Variants in FAM149B1 observed in about 807,000 individuals in gnomAD.
FAM149B1 encodes family with sequence similarity 149 member B1, also known as primary cilium assembly protein FAM149B1.
Under a neutral mutation model 75.3 loss-of-function variants are expected in FAM149B1, and 56 were observed. That is an observed-to-expected ratio of 0.74 (90% CI 0.60 to 0.93). The LOEUF is 0.93. FAM149B1 is among the 40% of genes least tolerant of loss of function. The pLI is 0.00. For synonymous variants in FAM149B1, 259 were observed against 256.1 expected (o/e 1.01, Z -0.11); for missense variants, 639 against 708.4 (o/e 0.90, Z 1.11).
chr10:73,231,925 T>TTAAAA (rs768190966), intron 9 of FAM149B1, among the ~76,000 whole-genome samples: 1 of 142,020 alleles, frequency 7.0e-6, no homozygotes, highest in African/African-American at 2.6e-5. Flanking sequence ...TAGGGTGTGT[T>TTAAAA]AAAAAAAAAA....
chr10:73,177,746 T>TGTACACATATATTTATTTGTACACATATA, intron 2 of FAM149B1, 100 bp from the exon 3 acceptor site: 1 of 1,038,912 alleles, frequency 9.6e-7, no homozygotes, highest in Non-Finnish European at 1.4e-6. Context: ...TGTACACATG[T>TGTACACATATATTTATTTGTACACATATA]TAATCACCTA....
intron 7 of FAM149B1, among the ~76,000 whole-genome samples, chr10:73,215,941 T>A (rs2043288797): frequency 6.6e-6 from 1 of 152,214 alleles, no homozygotes. Context: ...AAGTCCAATG[T>A]ATGTCCAATA....
chr10:73,216,143 A>G (rs994600940), intron 7 of FAM149B1, among the ~76,000 whole-genome samples: 1 of 152,220 alleles, frequency 6.6e-6, no homozygotes, highest in East Asian at 1.9e-4. Context: ...CTTTGTCATT[A>G]TATAATGACC....
In FAM149B1 at chr10:73,243,964, C is replaced by A; in HGVS notation, c.*2945C>A. On this transcript the variant is annotated 3_prime_UTR_variant, in exon 14 of 14. Coordinates refer to ENST00000242505, the MANE Select transcript of FAM149B1 (RefSeq NM_173348.2). ...GAACTCACATGAGACTCAGGGCCAC[C>A]AGGAAATGCTTAAAATACATACTCT... The A allele has an allele frequency of 3.8e-6, 6 of 1,561,442 alleles. No homozygotes were observed. The highest frequency in any genetic ancestry group is 5.3e-6 in the Non-Finnish European group (6 of 1,139,720).
At chr10:73,187,565 A>G (rs2042560484) in intron 3 of FAM149B1, among the ~76,000 whole-genome samples, 1 of 151,494 alleles carries the variant, frequency 6.6e-6, no homozygotes, top group African/African-American at 2.4e-5. Context: ...CCCCGTCTCT[A>G]CTAAAATTAC....
intron 1 of FAM149B1, among the ~76,000 whole-genome samples, chr10:73,170,074 T>G (rs2133288796): frequency 6.7e-6 from 1 of 149,002 alleles, no homozygotes; most frequent in East Asian, 2.0e-4. Context: ...TGCACATACA[T>G]GATAATTGCA....
intron 7 of FAM149B1, among the ~76,000 whole-genome samples, chr10:73,226,866 T>C (rs959670621): frequency 6.6e-6 from 1 of 151,136 alleles, no homozygotes; most frequent in African/African-American, 2.5e-5. Context: ...AACCTATCTC[T>C]ATTATTAGAG....
In FAM149B1 at chr10:73,193,496, A is replaced by T; in HGVS notation, c.445A>T (p.Ile149Phe). 6.5e-7 allele frequency: 1 copy of T among 1,549,526 alleles called. No individual in the cohort carries two copies. Among genetic ancestry groups the T allele is most frequent in the Non-Finnish European group, 8.7e-7 (1 of 1,146,568 alleles). ...TTGAAGGATTCTAGGTAGGCAGATA[A>T]TCACTCCAAGTGAAGGTTATAGATT... ...PHLRILGRQI[I>F]TPSEGYRLYP... is the part of the protein sequence containing the mutation. The change falls in exon 5 of 14, where the codon ATC becomes TTC. Residue 149 changes from isoleucine to phenylalanine, a missense_variant. Transcript: ENST00000242505.
In FAM149B1 at chr10:73,235,204, C is replaced by T. The variant is rs1449567605; in HGVS notation, c.1488C>T (p.Gly496=). Reference sequence around the variant, plus strand: ...TGTCTCCTCTGCAGAAACCCCATGGCGACTCTAGTCGAGCTCAAAGTGCGG... The same window carrying T: ...TGTCTCCTCTGCAGAAACCCCATGGTGACTCTAGTCGAGCTCAAAGTGCGG... The part of the protein sequence containing the change: ...VGPQRQMKPH[G]DSSRAQSAVV... The change falls in exon 12 of 14, where the codon GGC becomes GGT. Residue 496 remains glycine (G), a synonymous_variant. Transcript: ENST00000242505. 4 of 1,551,490 alleles carry T rather than the reference C, an allele frequency of 2.6e-6. No individual in the cohort carries two copies. Among genetic ancestry groups the T allele is most frequent in the East Asian group, 2.4e-5 (1 of 40,940 alleles).
intron 1 of FAM149B1, among the ~76,000 whole-genome samples, chr10:73,171,300 G>C (rs1480245452): frequency 6.6e-6 from 1 of 152,120 alleles, no homozygotes; most frequent in African/African-American, 2.4e-5. Flanking sequence ...TTCTGTAGCT[G>C]GAGTCAGGAT....
chr10:73,171,630 CTT>C lies in FAM149B1; in HGVS notation c.48-3042_48-3041del, dbSNP rs11351703. Reference sequence around the variant, plus strand: ...ATCTATCTTCCTTATCCTTTTCTTTCTTTTTTTTTTTTTTTTGAGACAGAGTC... The same window carrying C: ...ATCTATCTTCCTTATCCTTTTCTTTCTTTTTTTTTTTTTTGAGACAGAGTC... On this transcript the variant is annotated intron_variant, in intron 1 of 13. Transcript: ENST00000242505. Among the ~76,000 whole-genome samples the C allele has an allele frequency of 9.0e-3, 1,236 of 137,386 alleles. 11 individuals carry two copies. Among genetic ancestry groups the C allele is most frequent in the South Asian group, 0.026 (111 of 4,286 alleles). 90.1% of individuals were successfully genotyped at this position (137,386 alleles called of 152,430 possible).
chr10:73,198,570 C>T (rs1398945855), intron 5 of FAM149B1, among the ~76,000 whole-genome samples: 3 of 152,020 alleles, frequency 2.0e-5, no homozygotes, highest in African/African-American at 4.8e-5. Flanking sequence ...TTTGAGAGGC[C>T]GAGGCTGGTG....
chr10:73,216,910 C>A (rs1197368018), intron 7 of FAM149B1, among the ~76,000 whole-genome samples: 4 of 152,170 alleles, frequency 2.6e-5, no homozygotes, highest in Non-Finnish European at 5.9e-5. Flanking sequence ...GTGAACATAA[C>A]CATCACCCCC....
intron 2 of FAM149B1, among the ~76,000 whole-genome samples, chr10:73,175,765 A>C (rs1843938157): frequency 6.6e-6 from 1 of 152,122 alleles, no homozygotes; most frequent in Admixed American, 6.5e-5. Context: ...ACATAACATA[A>C]ATAAAAAAGA....
In FAM149B1 at chr10:73,174,714, C is replaced by T; in HGVS notation, c.75C>T (p.Asn25=). 1 of 1,551,112 alleles carries T rather than the reference C, an allele frequency of 6.4e-7. No homozygotes were observed. The highest frequency in any genetic ancestry group is 8.7e-7 in the Non-Finnish European group (1 of 1,146,684). ...AAGGAATAACAAAACATGCTCTTAA[C>T]CATCATCCCCCTCCAGAGAAGCTGG... ...ELKGITKHAL[N]HHPPPEKLEE... The change falls in exon 2 of 14, where the codon AAC becomes AAT. Residue 25 remains asparagine (N), a synonymous_variant. Coordinates refer to ENST00000242505, the MANE Select transcript of FAM149B1 (RefSeq NM_173348.2).
chr10:73,188,196 T>C (rs1007496496), intron 3 of FAM149B1, among the ~76,000 whole-genome samples: 6 of 152,212 alleles, frequency 3.9e-5, no homozygotes, highest in African/African-American at 1.4e-4. Context: ...TCCATTGATT[T>C]TTGACAAAGG....
At chr10:73,201,061 AGTCATGAAAACT>A (rs752605445) in intron 5 of FAM149B1, 4 of 296,026 alleles carry the variant, frequency 1.4e-5, no homozygotes, top group Non-Finnish European at 2.7e-5. Context: ...TCTACCTAGC[AGTCATGAAAACT>A]GTATTCGCAG....
At chr10:73,168,502 G>A (rs1843552434) in intron 1 of FAM149B1, 116 bp downstream of exon 1, 2 of 1,257,238 alleles carry the variant, frequency 1.6e-6, no homozygotes, top group Admixed American at 4.8e-5. Flanking sequence ...TTTTTCTTCG[G>A]AATTCTCTCC....
Position 73,234,929 on chromosome 10 carries a change from C to G in FAM149B1, c.1465C>G (p.Gln489Glu), listed in dbSNP as rs1232308018. ...GGAACATGTGAGCACTGTGGGGCCA[C>G]AAAGACAGATGGTATGTTTCTTTCA... is the stretch of plus-strand genomic sequence containing the variant. ...EVEHVSTVGP[Q>E]RQMKPHGDSS... Residue 489 changes from glutamine to glutamate, a missense_variant, in exon 11 of 14, where the codon CAA (glutamine) becomes GAA (glutamate). Physicochemically the swap from Gln to Glu is conservative, Grantham distance 29 (BLOSUM62 2). Coordinates refer to ENST00000242505, the MANE Select transcript of FAM149B1 (RefSeq NM_173348.2). 6.4e-7 allele frequency: 1 copy of G among 1,551,868 alleles called. No homozygotes were observed. The highest frequency in any genetic ancestry group is 2.4e-5 in the East Asian group (1 of 40,938).
Sources: allele counts gnomAD v4.1 joint callset (sites outside exome capture counted in the v4.1 genomes callset), GRCh38; gene constraint gnomAD v4.1.1; transcripts MANE v1.5; gene names NCBI Gene and HGNC (gene_info 2026-07-23, HGNC 2026-07-21).